PTPRS: variants seen among roughly 807,000 people sequenced by gnomAD.
PTPRS encodes the protein protein tyrosine phosphatase receptor type S.
Under a neutral mutation model 215.3 loss-of-function variants are expected in PTPRS, and 63 were observed. The ratio of observed to expected loss-of-function variants is 0.29; its 90% CI spans 0.24 to 0.36. The LOEUF is 0.36. PTPRS is among the 10% of genes least tolerant of loss of function. The probability of loss-of-function intolerance (pLI) is 1.00; values close to 1 mark genes in which losing one functional copy is unlikely to be tolerated. For missense variants in PTPRS, 2,258 were observed against 2,825.8 expected (o/e 0.80, Z 4.56); for synonymous variants, 1,404 against 1,191.4 (o/e 1.18, Z -3.68).
chr19:5,264,057 A>T (rs1487562236), intron 5 of PTPRS, among the ~76,000 whole-genome samples: 1 of 152,056 alleles, frequency 6.6e-6, no homozygotes, highest in Non-Finnish European at 1.5e-5. Context: ...TGGTGGAACC[A>T]CCCGTCTCCA....
rs182869752 is a variant in PTPRS at position 5,270,538 on chromosome 19, G to A, written c.379+2904C>T. 7.0e-3 allele frequency among the ~76,000 whole-genome samples: 1,060 copies of A among 152,274 alleles called. 19 individuals carry two copies. The highest frequency in any genetic ancestry group is 0.024 in the African/African-American group (1,012 of 41,552). Reference sequence around the variant, plus strand: ...TTGCCCAGACTAGTCTCAAACTCCTGGGCTCAAGTGATCCTCTTGACTTGG... The same window carrying A: ...TTGCCCAGACTAGTCTCAAACTCCTAGGCTCAAGTGATCCTCTTGACTTGG... On this transcript the variant is annotated intron_variant, in intron 4 of 37. Coordinates refer to ENST00000262963, the MANE Select transcript of PTPRS (RefSeq NM_002850.4).
rs529681551 is a variant in PTPRS at position 5,280,974 on chromosome 19, T to C, written c.91+5076A>G. ...ACCCAGCTGATTTTAGTATTTTTAG[T>C]AGAGAGGGGGTTTCAGCATGTTGGC... On this transcript the variant is annotated intron_variant, in intron 2 of 37. Transcript: ENST00000262963. 8.6e-5 allele frequency among the ~76,000 whole-genome samples: 13 copies of C among 151,748 alleles called. No homozygotes were observed. The South Asian group carries it at 2.7e-3, about 32-fold the overall frequency.
At chr19:5,322,514 C>T (rs1055694184) in intron 1 of PTPRS, among the ~76,000 whole-genome samples, 7 of 152,012 alleles carry the variant, frequency 4.6e-5, no homozygotes, top group African/African-American at 1.7e-4. Flanking sequence ...GGCCGACTCC[C>T]GGGTTGGGGG....
At chr19:5,228,347 GAAA>G (rs71170899) in intron 16 of PTPRS, among the ~76,000 whole-genome samples, 14,616 of 105,888 alleles carry the variant, frequency 0.14, 1,149 homozygotes, top group Admixed American at 0.25. Flanking sequence ...TCCGTCTGGA[GAAA>G]AAAAAAAAAA....
rs968999803 is a variant in PTPRS at position 5,330,991 on chromosome 19, A to G, written c.-95+9673T>C. Among the ~76,000 whole-genome samples the G allele has an allele frequency of 1.6e-3, 242 of 152,172 alleles. 1 individual carries two copies. Among genetic ancestry groups the G allele is most frequent in the African/African-American group, 5.2e-3 (216 of 41,518 alleles). On this transcript the variant is annotated intron_variant, in intron 1 of 37. Coordinates refer to ENST00000262963, the MANE Select transcript of PTPRS (RefSeq NM_002850.4). Reference sequence around the variant, plus strand: ...GAACCAGGACAGATGTGCAGAGGGAACCCATTAGCAATCTAAGCGTTCTGG... The same window carrying G: ...GAACCAGGACAGATGTGCAGAGGGAGCCCATTAGCAATCTAAGCGTTCTGG...
rs562875218 is a variant in PTPRS, at chr19:5,248,768, C to G, written c.719-2723G>C. The stretch of plus-strand genomic sequence containing the variant: ...ACCTCTCCAGGCAGACGTGGAGGAG[C>G]TGATGTGGCTGAATGAGCCCAGTGG... On this transcript the variant is annotated intron_variant, in intron 9 of 37. Transcript: ENST00000262963. 3.3e-5 allele frequency among the ~76,000 whole-genome samples: 5 copies of G among 152,336 alleles called. No individual in the cohort carries two copies. The South Asian group carries it at 8.3e-4, about 25-fold the overall frequency.
Position 5,219,362 on chromosome 19 carries a change from G to C in PTPRS, c.3871C>G (p.Leu1291Val), listed in dbSNP as rs1003437214. The C allele has an allele frequency of 2.5e-6, 4 of 1,613,976 alleles. No homozygotes were observed. Among genetic ancestry groups the C allele is most frequent in the Non-Finnish European group, 3.4e-6 (4 of 1,179,944 alleles). ...ATGCAGATTATGAAGACCACGGCCAGCACAGGCCCGATCACCCAGATAAGC... is the reference window on the plus strand; with the variant it reads ...ATGCAGATTATGAAGACCACGGCCACCACAGGCCCGATCACCCAGATAAGC... ...EGLIWVIGPV[L>V]AVVFIICIVI... is the part of the protein sequence containing the mutation. Residue 1291 changes from leucine to valine, a missense_variant, in exon 23 of 38, where the codon CTG (leucine) becomes GTG (valine). Leu to Val is a conservative substitution (Grantham distance 32, BLOSUM62 1). Around this residue, in one of 6 missense-constraint regions of PTPRS, gnomAD observed 927 missense variants for 1,125.9 expected, o/e 0.82. Transcript: ENST00000262963.
At chr19:5,304,731 T>C (rs2049421947) in intron 1 of PTPRS, among the ~76,000 whole-genome samples, 1 of 151,802 alleles carries the variant, frequency 6.6e-6, no homozygotes, top group Non-Finnish European at 1.5e-5. Context: ...ATGTCTAAGA[T>C]GAGAAGGATG....
At position 5,307,073 on chromosome 19, in the gene PTPRS, G is replaced by C. The variant is rs146088655; in HGVS notation, c.-94-20839C>G. Among the ~76,000 whole-genome samples, 666 of 152,336 alleles carry C rather than the reference G, an allele frequency of 4.4e-3. 9 individuals carry two copies. The highest frequency in any genetic ancestry group is 0.015 in the African/African-American group (637 of 41,582). On this transcript the variant is annotated intron_variant, in intron 1 of 37. Transcript: ENST00000262963. ...CAATCCCAGCACTTTGGGAGGCTGA[G>C]GCAGGAAGATCACCTGAGGTCAAGA... is the stretch of plus-strand genomic sequence containing the variant.
intron 25 of PTPRS, 48 bp from the exon 26 acceptor site, chr19:5,216,815 G>C (rs1426674758): frequency 1.5e-6 from 2 of 1,342,280 alleles, no homozygotes; most frequent in Middle Eastern, 1.9e-4. Context: ...GGGGGTAGGG[G>C]GGGGTCCCAC....
Position 5,212,219 on chromosome 19 carries a change from C to T in PTPRS, c.4801G>A (p.Val1601Ile), listed in dbSNP as rs367918810. 29 of 1,612,512 alleles carry T rather than the reference C, an allele frequency of 1.8e-5. No individual in the cohort carries two copies. Among genetic ancestry groups the T allele is most frequent in the East Asian group, 1.6e-4 (7 of 44,848 alleles). Reference protein sequence around the residue: ...AGVGRTGCFIVIDAMLERIKP... With the variant: ...AGVGRTGCFIIIDAMLERIKP... Reference sequence around the variant, plus strand: ...ATCCGCTCAAGCATGGCGTCGATGACGATAAAGCAGCCTGTGCGGCCCACA... The same window carrying T: ...ATCCGCTCAAGCATGGCGTCGATGATGATAAAGCAGCCTGTGCGGCCCACA... The change falls in exon 32 of 38, where the codon GTC becomes ATC. Residue 1601 changes from valine (V) to isoleucine (I), a missense_variant. Coordinates refer to ENST00000262963, the MANE Select transcript of PTPRS (RefSeq NM_002850.4).
intron 1 of PTPRS, among the ~76,000 whole-genome samples, chr19:5,337,456 G>C (rs1179844898): frequency 6.6e-6 from 1 of 152,224 alleles, no homozygotes; most frequent in African/African-American, 2.4e-5. Context: ...GGGCCATGCA[G>C]CCGCTGGAAT....
chr19:5,336,532 A>G (rs1479038888), intron 1 of PTPRS, among the ~76,000 whole-genome samples: 1 of 152,074 alleles, frequency 6.6e-6, no homozygotes, highest in African/African-American at 2.4e-5. Context: ...CCCGCAAGCC[A>G]CAAGCTGGCA....
chr19:5,239,360 G>C (rs1270508423), intron 12 of PTPRS, among the ~76,000 whole-genome samples: 11 of 150,618 alleles, frequency 7.3e-5, no homozygotes, highest in African/African-American at 2.7e-4. Context: ...GTCAGAGACA[G>C]AGGGACACAG....
Position 5,293,818 on chromosome 19 carries a change from G to A in PTPRS, c.-94-7584C>T, listed in dbSNP as rs1438772688. On this transcript the variant is annotated intron_variant, in intron 1 of 37. Coordinates refer to ENST00000262963, the MANE Select transcript of PTPRS (RefSeq NM_002850.4). This position sits in a 1 kb window ranked among gnomAD's most constrained non-coding sequence, Gnocchi z 8.4. ...GGGGAATGAATGGGGGGACACCGTG[G>A]CAGAGGCCCCCACCCTCGCCACAAG... Among the ~76,000 whole-genome samples the A allele has an allele frequency of 3.3e-5, 5 of 152,166 alleles. No individual in the cohort carries two copies. The East Asian group carries it at 9.7e-4, about 29-fold the overall frequency.
chr19:5,319,736 C>T (rs1229872833), intron 1 of PTPRS, among the ~76,000 whole-genome samples: 5 of 151,970 alleles, frequency 3.3e-5, no homozygotes, highest in South Asian at 2.1e-4. Flanking sequence ...CCTTGGCACA[C>T]GCTGTGCCGT....
intron 1 of PTPRS, among the ~76,000 whole-genome samples, chr19:5,289,096 A>G (rs1282418107): frequency 6.6e-6 from 1 of 152,138 alleles, no homozygotes; most frequent in Non-Finnish European, 1.5e-5. Context: ...ACTACCAAAG[A>G]CAAAACATCC....
chr19:5,274,339 G>T lies in PTPRS; in HGVS notation c.97C>A (p.Pro33Thr). The T allele has an allele frequency of 6.2e-7, 1 of 1,611,340 alleles. No individual in the cohort carries two copies. The highest frequency in any genetic ancestry group is 8.5e-7 in the Non-Finnish European group (1 of 1,178,010). ...LVGGCAAEEP[P>T]RFIKEPKDQI... is the part of the protein sequence containing the mutation. ...TCCTTGGGTTCTTTGATAAACCTGG[G>T]GGGCTCTGGGGATACAGTGGAAAGA... The change falls in exon 3 of 38, where the codon CCC (proline) becomes ACC (threonine). Residue 33 changes from proline to threonine, a missense_variant. Around this residue, in one of 6 missense-constraint regions of PTPRS, gnomAD observed 508 missense variants for 799.4 expected, o/e 0.64. Coordinates refer to ENST00000262963, the MANE Select transcript of PTPRS (RefSeq NM_002850.4).
intron 23 of PTPRS, chr19:5,219,050 C>T: frequency 1.6e-6 from 1 of 635,450 alleles, no homozygotes; most frequent in Non-Finnish European, 2.7e-6. Context: ...GAACTGGACA[C>T]AGGCAGCCTC....
Sources: allele counts gnomAD v4.1 joint callset (sites outside exome capture counted in the v4.1 genomes callset), GRCh38; gene constraint gnomAD v4.1.1; regional missense constraint gnomAD v4.1.1; non-coding constraint Gnocchi (gnomAD v3.1); transcripts MANE v1.5; gene names NCBI Gene and HGNC (gene_info 2026-07-23, HGNC 2026-07-21).